The following MANSC1 variants were observed in gnomAD, a reference collection of about 807,000 sequenced individuals.
MANSC1 encodes the protein MANSC domain containing 1.
MANSC1 carries 13 observed loss-of-function variants against 14.1 expected under a neutral mutation model. The observed-to-expected ratio is 0.92, with a 90% CI of 0.60 to 1.46. The LOEUF (loss-of-function observed/expected upper bound fraction) is 1.46, where lower values mean the gene tolerates loss of function less well. Among genes scored for constraint, MANSC1 ranks in the 40% most tolerant of loss-of-function variants. The probability of loss-of-function intolerance (pLI) is 0.00; values close to 1 mark genes in which losing one functional copy is unlikely to be tolerated. For missense variants in MANSC1, 486 were observed against 511.4 expected, an observed-to-expected ratio of 0.95 and a Z score of 0.48; for synonymous variants, 227 against 200.7, an observed-to-expected ratio of 1.13 and a Z score of -1.11.
At chr12:12,338,270 T>C (rs1862884233) in intron 3 of MANSC1, 150 bp downstream of exon 3, 1 of 644,070 alleles carries the variant, frequency 1.6e-6, no homozygotes, top group Non-Finnish European at 2.4e-6. Flanking sequence ...CAAATTTTGG[T>C]TTAATAAATT....
intron 2 of MANSC1, 54 bp from the exon 3 acceptor site, chr12:12,338,614 A>T: frequency 6.4e-7 from 1 of 1,565,696 alleles, no homozygotes; most frequent in Non-Finnish European, 8.7e-7. Flanking sequence ...TCTAAAGAGT[A>T]GGGCAAGTAG....
intron 3 of MANSC1, among the ~76,000 whole-genome samples, chr12:12,335,291 C>T (rs558197633): frequency 4.7e-4 from 71 of 152,120 alleles, no homozygotes; most frequent in Non-Finnish European, 8.8e-4. Flanking sequence ...GCTGCTGTGT[C>T]ACTGTCCATT....
chr12:12,344,070 A>G (rs1411968114), intron 1 of MANSC1, among the ~76,000 whole-genome samples: 3 of 152,014 alleles, frequency 2.0e-5, no homozygotes, highest in Non-Finnish European at 4.4e-5. Flanking sequence ...CCGTGATTAC[A>G]CCACTGCACT....
intron 3 of MANSC1, among the ~76,000 whole-genome samples, chr12:12,337,727 C>G (rs1475234744): frequency 6.6e-6 from 1 of 152,126 alleles, no homozygotes; most frequent in Non-Finnish European, 1.5e-5. Flanking sequence ...AAAATTGATA[C>G]TGAAACCACT....
intron 2 of MANSC1, among the ~76,000 whole-genome samples, chr12:12,341,810 G>A (rs1334961823): frequency 6.6e-6 from 1 of 152,198 alleles, no homozygotes; most frequent in East Asian, 1.9e-4. Context: ...GACCAACATG[G>A]TGAAACCACG....
Position 12,343,270 on chromosome 12 carries a change from T to C in MANSC1, c.45A>G (p.Ile15Met). 1 of 1,614,086 alleles carries C rather than the reference T, an allele frequency of 6.2e-7. No homozygotes were observed. The highest frequency in any genetic ancestry group is 8.5e-7 in the Non-Finnish European group (1 of 1,179,972). ...ACAGCCTTAGTGTCAGGAAGCAAATTATTACCAAAGTGTAAGTCAAGCTCC... is the reference window on the plus strand; with the variant it reads ...ACAGCCTTAGTGTCAGGAAGCAAATCATTACCAAAGTGTAAGTCAAGCTCC... ...GEGSLTYTLV[I>M]ICFLTLRLSA... Residue 15 changes from isoleucine to methionine, a missense_variant, in exon 2 of 4, where the codon ATA (isoleucine) becomes ATG (methionine). By Grantham distance (10) the Ile-to-Met change is conservative. Transcript: ENST00000535902.
intron 3 of MANSC1, among the ~76,000 whole-genome samples, chr12:12,331,545 C>A (rs1862789811): frequency 6.6e-6 from 1 of 152,142 alleles, no homozygotes; most frequent in South Asian, 2.1e-4. Context: ...TGGGCTTCTG[C>A]AAGACATGCC....
In MANSC1 at chr12:12,347,000, A is replaced by G. The variant is rs1233509082; in HGVS notation, c.-101+3078T>C. 1.3e-5 allele frequency among the ~76,000 whole-genome samples: 2 copies of G among 151,910 alleles called. 1 individual carries two copies. Among genetic ancestry groups the G allele is most frequent in the Admixed American group, 1.3e-4 (2 of 15,252 alleles). Reference sequence around the variant, plus strand: ...TTTTTGGAGGAAATATTTGTGAAACACACATCTGATAAAGCAGCAGTCCAT... The same window carrying G: ...TTTTTGGAGGAAATATTTGTGAAACGCACATCTGATAAAGCAGCAGTCCAT... On this transcript the variant is annotated intron_variant, in intron 1 of 3. Coordinates refer to ENST00000535902, the MANE Select transcript of MANSC1 (RefSeq NM_018050.4).
intron 1 of MANSC1, among the ~76,000 whole-genome samples, chr12:12,348,753 T>C (rs1012839995): frequency 1.3e-5 from 2 of 148,378 alleles, no homozygotes; most frequent in African/African-American, 4.9e-5. Context: ...AACCAGTATA[T>C]GGTAATAAAA....
At position 12,335,085 on chromosome 12, in the gene MANSC1, C is replaced by T. The variant is rs140487291; in HGVS notation, c.364+3335G>A. Among the ~76,000 whole-genome samples, 1,124 of 152,270 alleles carry T rather than the reference C, an allele frequency of 7.4e-3. 11 individuals carry two copies. The highest frequency in any genetic ancestry group is 0.031 in the Middle Eastern group (9 of 294). On this transcript the variant is annotated intron_variant, in intron 3 of 3. Transcript: ENST00000535902. ...AATGGTGTCACCATTCATCTGGATG[C>T]TCAAGGCAAAAACTAGGACTTGGCC...
intron 1 of MANSC1, among the ~76,000 whole-genome samples, chr12:12,345,654 CCTTTT>C (rs1250700105): frequency 6.6e-6 from 1 of 152,208 alleles, no homozygotes; most frequent in Non-Finnish European, 1.5e-5. Flanking sequence ...CTCCACATTT[CCTTTT>C]AACATTTCAT....
At chr12:12,333,613 G>T (rs1235137634) in intron 3 of MANSC1, among the ~76,000 whole-genome samples, 1 of 152,164 alleles carries the variant, frequency 6.6e-6, no homozygotes, top group Non-Finnish European at 1.5e-5. Context: ...TGCCATTGGG[G>T]CATGGTGCTT....
intron 1 of MANSC1, among the ~76,000 whole-genome samples, chr12:12,349,580 A>C (rs1308501925): frequency 6.6e-6 from 1 of 152,196 alleles, no homozygotes; most frequent in Non-Finnish European, 1.5e-5. Context: ...GATGCCCCTG[A>C]GTTTTAACGT....
In MANSC1 at chr12:12,342,576, GTT is replaced by G. The variant is rs869141097; in HGVS notation, c.223+514_223+515del. Reference sequence around the variant, plus strand: ...AAGCTGTAGTTACCTAGTAGTCAGTGTTTTTTTGTTTTTTTTTTTTTTTTTTT... The same window carrying G: ...AAGCTGTAGTTACCTAGTAGTCAGTGTTTTTGTTTTTTTTTTTTTTTTTTT... On this transcript the variant is annotated intron_variant, in intron 2 of 3. Coordinates refer to ENST00000535902, the MANE Select transcript of MANSC1 (RefSeq NM_018050.4). 4.8e-5 allele frequency among the ~76,000 whole-genome samples: 5 copies of G among 103,982 alleles called. No individual in the cohort carries two copies. The Admixed American group carries it at 5.6e-4, about 12-fold the overall frequency. 68.2% of individuals were successfully genotyped at this position (103,982 alleles called of 152,430 possible).
chr12:12,337,216 G>A (rs1862869993), intron 3 of MANSC1, among the ~76,000 whole-genome samples: 1 of 152,068 alleles, frequency 6.6e-6, no homozygotes, highest in Non-Finnish European at 1.5e-5. Context: ...GGTGGTGGTT[G>A]CAGTGAGCTG....
chr12:12,327,799 T>C lies in MANSC1; in HGVS notation c.*2228A>G, dbSNP rs963894964. 2.0e-5 allele frequency: 3 copies of C among 152,154 alleles called. No individual in the cohort carries two copies. Among genetic ancestry groups the C allele is most frequent in the Admixed American group, 1.3e-4 (2 of 15,268 alleles). 9.4% of individuals were successfully genotyped at this position (152,154 alleles called of 1,614,324 possible). On this transcript the variant is annotated 3_prime_UTR_variant, in exon 4 of 4. Transcript: ENST00000535902. ...GTTGGAAAATATAAGAAAAGTAGTA[T>C]TTTCAATAGACCAGCTTTCCTCTTA...
intron 1 of MANSC1, 25 bp from the exon 2 acceptor site, chr12:12,343,439 AAT>A (rs762456717): frequency 4.8e-6 from 3 of 622,892 alleles, no homozygotes; most frequent in Admixed American, 6.0e-5. Context: ...GAAAATCATC[AAT>A]GAGTTTTGTT....
chr12:12,343,240 A>C lies in MANSC1; in HGVS notation c.75T>G (p.Ala25=), dbSNP rs1412192096. ...IICFLTLRLS[A]SQNCLKKSLE... ...GACTCTTTTTGAGGCAATTCTGACTAGCAGACAGCCTTAGTGTCAGGAAGC... is the reference window on the plus strand; with the variant it reads ...GACTCTTTTTGAGGCAATTCTGACTCGCAGACAGCCTTAGTGTCAGGAAGC... The change falls in exon 2 of 4, where the codon GCT becomes GCG. Residue 25 remains alanine (A), a synonymous_variant. Coordinates refer to ENST00000535902, the MANE Select transcript of MANSC1 (RefSeq NM_018050.4). 4 of 1,614,026 alleles carry C rather than the reference A, an allele frequency of 2.5e-6. No homozygotes were observed. The highest frequency in any genetic ancestry group is 3.4e-6 in the Non-Finnish European group (4 of 1,179,966).
chr12:12,344,631 G>C (rs563571069), intron 1 of MANSC1, among the ~76,000 whole-genome samples: 1 of 151,006 alleles, frequency 6.6e-6, no homozygotes, highest in African/African-American at 2.4e-5. Context: ...CACCACGCCC[G>C]GCTGGTTTTT....
Sources: allele counts gnomAD v4.1 joint callset (sites outside exome capture counted in the v4.1 genomes callset), GRCh38; gene constraint gnomAD v4.1.1; transcripts MANE v1.5; gene names NCBI Gene and HGNC (gene_info 2026-07-23, HGNC 2026-07-21).